The following CTNNA2 variants were observed in gnomAD, a reference collection of about 807,000 sequenced individuals.
CTNNA2 encodes the protein catenin alpha-2.
A neutral mutation model predicts 101.0 loss-of-function variants in CTNNA2; 42 were observed. The observed-to-expected ratio is 0.42, with a 90% confidence interval of 0.32 to 0.54. CTNNA2 has a LOEUF of 0.54. Among genes scored for constraint, CTNNA2 ranks in the 20% least tolerant of loss-of-function variants. CTNNA2 has a pLI of 0.14. For missense variants in CTNNA2, 871 were observed against 1,223.1 expected (o/e 0.71, Z 4.29); for synonymous variants, 450 against 456.4 (o/e 0.99, Z 0.18).
chr2:79,485,999 G>A (rs975323407), intron 4 of CTNNA2, among the ~76,000 whole-genome samples: 3 of 152,128 alleles, frequency 2.0e-5, no homozygotes, highest in African/African-American at 7.2e-5. Flanking sequence ...TTGGCCATGA[G>A]AAGTTGAGAA....
At chr2:80,223,553 C>T (rs142808958) in intron 7 of CTNNA2, among the ~76,000 whole-genome samples, 5 of 152,294 alleles carry the variant, frequency 3.3e-5, no homozygotes, top group South Asian at 2.1e-4. Flanking sequence ...GGATTACAGG[C>T]GTGAGCCACT....
At chr2:80,133,571 C>T (rs1192403152) in intron 7 of CTNNA2, among the ~76,000 whole-genome samples, 1 of 152,142 alleles carries the variant, frequency 6.6e-6, no homozygotes, top group East Asian at 1.9e-4. Context: ...ACTAGATTCT[C>T]CTACAATGGG....
At chr2:79,828,518 C>T (rs1004310516) in intron 3 of CTNNA2, among the ~76,000 whole-genome samples, 13 of 152,038 alleles carry the variant, frequency 8.6e-5, no homozygotes, top group Admixed American at 8.5e-4. Context: ...GTGAGTTTAG[C>T]AGGAAAGAAA....
chr2:80,268,274 G>A (rs1191927727), intron 7 of CTNNA2, among the ~76,000 whole-genome samples: 1 of 152,236 alleles, frequency 6.6e-6, no homozygotes, highest in African/African-American at 2.4e-5. Context: ...GACGGGTGTA[G>A]AGTGCTATCA....
intron 1 of CTNNA2, among the ~76,000 whole-genome samples, chr2:79,590,618 T>C (rs183352859): frequency 1.2e-4 from 18 of 151,778 alleles, no homozygotes; most frequent in African/African-American, 4.3e-4. Flanking sequence ...CGTCCTTTAT[T>C]AAAAAAAAAC....
At chr2:80,584,166 C>T (rs920589840) in intron 14 of CTNNA2, among the ~76,000 whole-genome samples, 4 of 152,032 alleles carry the variant, frequency 2.6e-5, no homozygotes, top group Admixed American at 6.6e-5. Flanking sequence ...TTGAAGGAGG[C>T]GAACTTTGTC....
chr2:79,913,337 G>A (rs554296842), intron 7 of CTNNA2, among the ~76,000 whole-genome samples: 13 of 152,198 alleles, frequency 8.5e-5, no homozygotes, highest in South Asian at 2.1e-4. Context: ...CTGTGAATGG[G>A]TGCCTGGTGC....
intron 7 of CTNNA2, among the ~76,000 whole-genome samples, chr2:79,923,416 G>T (rs1239415255): frequency 6.6e-6 from 1 of 151,508 alleles, no homozygotes; most frequent in African/African-American, 2.4e-5. Flanking sequence ...TTTTGAGTAG[G>T]AGAGAAGATC....
intron 8 of CTNNA2, 55 bp from the exon 9 acceptor site, chr2:80,419,394 G>A (rs2149406235): frequency 1.4e-6 from 2 of 1,418,180 alleles, no homozygotes; most frequent in Non-Finnish European, 1.9e-6. Context: ...AAAAAAATGG[G>A]CAATTATACT....
intron 16 of CTNNA2, among the ~76,000 whole-genome samples, chr2:80,604,771 T>C (rs1014827695): frequency 1.3e-5 from 2 of 151,836 alleles, no homozygotes; most frequent in African/African-American, 4.8e-5. Context: ...GCTTTAGGGA[T>C]GTGATGGGTC....
intron 1 of CTNNA2, among the ~76,000 whole-genome samples, chr2:79,584,237 T>C (rs1434423884): frequency 6.6e-6 from 1 of 152,186 alleles, no homozygotes; most frequent in Non-Finnish European, 1.5e-5. Context: ...CTTTGCCTCA[T>C]CTACTCAGAC....
At position 79,937,554 on chromosome 2, in the gene CTNNA2, T is replaced by C. The variant is rs559116746; in HGVS notation, c.1056+27757T>C. Among the ~76,000 whole-genome samples the C allele has an allele frequency of 4.6e-5, 7 of 152,354 alleles. 1 individual carries two copies. The highest frequency in any genetic ancestry group is 2.6e-4 in the Admixed American group (4 of 15,308). On this transcript the variant is annotated intron_variant, in intron 7 of 18. Coordinates refer to ENST00000402739, the MANE Select transcript of CTNNA2 (RefSeq NM_001282597.3). ...AAATCATCTGTATTTACAAGGCTAA[T>C]GGTATATTACTATGCCTTCAAAGGA... is the stretch of plus-strand genomic sequence containing the variant.
intron 4 of CTNNA2, among the ~76,000 whole-genome samples, chr2:79,458,372 T>C (rs761885306): frequency 3.9e-5 from 6 of 152,178 alleles, no homozygotes; most frequent in Non-Finnish European, 8.8e-5. Flanking sequence ...TGTTGCTCTA[T>C]AAGATCAACA....
intron 1 of CTNNA2, among the ~76,000 whole-genome samples, chr2:79,590,789 T>C (rs73938730): frequency 1.3e-5 from 2 of 152,190 alleles, no homozygotes; most frequent in East Asian, 3.8e-4. Context: ...CCACAACTTA[T>C]CTGATGAGAA....
intron 3 of CTNNA2, among the ~76,000 whole-genome samples, chr2:79,777,951 T>C (rs1174246217): frequency 1.3e-5 from 2 of 151,622 alleles, no homozygotes; most frequent in Non-Finnish European, 2.9e-5. Context: ...AAATGATTTA[T>C]GTGAAATTCA....
At chr2:79,774,486 A>G (rs1295324230) in intron 3 of CTNNA2, among the ~76,000 whole-genome samples, 3 of 152,132 alleles carry the variant, frequency 2.0e-5, no homozygotes, top group Non-Finnish European at 2.9e-5. Flanking sequence ...TAATGCAGCA[A>G]TATGTAACTG....
At chr2:79,559,585 A>G (rs1251895127) in intron 1 of CTNNA2, among the ~76,000 whole-genome samples, 1 of 151,982 alleles carries the variant, frequency 6.6e-6, no homozygotes, top group Non-Finnish European at 1.5e-5. Flanking sequence ...CTTTCAAACC[A>G]TAAAACTGTG....
intron 7 of CTNNA2, among the ~76,000 whole-genome samples, chr2:79,998,922 A>C (rs1692738755): frequency 6.6e-6 from 1 of 152,296 alleles, no homozygotes; most frequent in Admixed American, 6.5e-5. Flanking sequence ...TCTCCATGTA[A>C]GGAGTCCTGG....
chr2:80,477,339 A>G (rs1685805860), intron 9 of CTNNA2, among the ~76,000 whole-genome samples: 1 of 152,172 alleles, frequency 6.6e-6, no homozygotes, highest in Non-Finnish European at 1.5e-5. Context: ...ATAGAAATAA[A>G]TTTTAATTTG....
Sources: gnomAD v4.1 joint callset for allele counts (sites outside exome capture counted in the v4.1 genomes callset) on GRCh38, gnomAD v4.1.1 for gene constraint, MANE v1.5 for transcripts, NCBI Gene and HGNC (gene_info 2026-07-23, HGNC 2026-07-21) for gene names.